RANBP17: variants seen among roughly 807,000 people sequenced by gnomAD.
RANBP17 encodes ran-binding protein 17.
Under a neutral mutation model 141.2 loss-of-function variants are expected in RANBP17, and 158 were observed. That is an observed-to-expected ratio of 1.12 (90% CI 0.98 to 1.28). The LOEUF is 1.28. RANBP17 is among the 50% of genes most tolerant of loss of function. The pLI, the probability that RANBP17 is intolerant of heterozygous loss-of-function variation, is 0.00. For missense variants in RANBP17, 1,438 were observed against 1,290.7 expected, an observed-to-expected ratio of 1.11 and a Z score of -1.75; for synonymous variants, 430 against 450.0, an observed-to-expected ratio of 0.96 and a Z score of 0.56.
chr5:171,099,992 G>A (rs1787020635), intron 14 of RANBP17, among the ~76,000 whole-genome samples: 2 of 152,152 alleles, frequency 1.3e-5, no homozygotes, highest in Non-Finnish European at 2.9e-5. Context: ...ATGTTTTGCT[G>A]GATTCAGTTT....
intron 14 of RANBP17, among the ~76,000 whole-genome samples, chr5:170,982,572 A>G (rs944827719): frequency 1.3e-5 from 2 of 152,228 alleles, no homozygotes; most frequent in Non-Finnish European, 2.9e-5. Context: ...ATCACCTAGA[A>G]TGCAGAACAG....
At chr5:171,002,153 C>G (rs1779249601) in intron 14 of RANBP17, among the ~76,000 whole-genome samples, 1 of 151,992 alleles carries the variant, frequency 6.6e-6, no homozygotes, top group Admixed American at 6.6e-5. Flanking sequence ...GGCTTGTAAC[C>G]TACATGGAAG....
At chr5:170,892,080 G>A (rs1167651692) in intron 3 of RANBP17, among the ~76,000 whole-genome samples, 1 of 145,674 alleles carries the variant, frequency 6.9e-6, no homozygotes, top group African/African-American at 2.5e-5. Context: ...CTCTTTTTCT[G>A]TTTTTTGTAA....
intron 24 of RANBP17, chr5:171,251,761 T>TCCCGCG (rs986228933): frequency 3.3e-6 from 3 of 906,168 alleles, no homozygotes; most frequent in South Asian, 2.8e-5. Flanking sequence ...GTTCCCCTCC[T>TCCCGCG]CCCGCGCCCG....
At chr5:171,006,289 A>G (rs1035402678) in intron 14 of RANBP17, among the ~76,000 whole-genome samples, 4 of 152,216 alleles carry the variant, frequency 2.6e-5, no homozygotes, top group African/African-American at 9.7e-5. Flanking sequence ...ATAAAAACAC[A>G]TGCACACGTA....
chr5:171,076,555 C>A (rs1034165635), intron 14 of RANBP17, among the ~76,000 whole-genome samples: 13 of 152,172 alleles, frequency 8.5e-5, no homozygotes, highest in Non-Finnish European at 1.5e-4. Flanking sequence ...GATTCAAGAT[C>A]TATGGCAGGA....
At chr5:170,957,107 A>ACG (rs150869588) in intron 13 of RANBP17, among the ~76,000 whole-genome samples, 22 of 150,530 alleles carry the variant, frequency 1.5e-4, no homozygotes, top group South Asian at 8.5e-4. Flanking sequence ...ACACACACAC[A>ACG]CGCGCACACT....
At chr5:171,227,082 C>T (rs1315023745) in intron 22 of RANBP17, among the ~76,000 whole-genome samples, 1 of 152,164 alleles carries the variant, frequency 6.6e-6, no homozygotes, top group African/African-American at 2.4e-5. Context: ...CAATGAATAA[C>T]CCTACAATGG....
At chr5:171,091,499 A>C (rs1265194921) in intron 14 of RANBP17, among the ~76,000 whole-genome samples, 6 of 152,142 alleles carry the variant, frequency 3.9e-5, no homozygotes, top group Non-Finnish European at 2.9e-5. Context: ...TTAATGTTGA[A>C]ATGAGTTAAG....
intron 12 of RANBP17, among the ~76,000 whole-genome samples, chr5:170,925,564 C>T (rs1772848175): frequency 6.6e-6 from 1 of 152,110 alleles, no homozygotes; most frequent in African/African-American, 2.4e-5. Context: ...ATAGCAGTAA[C>T]CACAAACACT....
At chr5:171,250,111 A>G (rs1765462738) in intron 24 of RANBP17, among the ~76,000 whole-genome samples, 1 of 152,242 alleles carries the variant, frequency 6.6e-6, no homozygotes, top group Non-Finnish European at 1.5e-5. Context: ...TGATACATTC[A>G]AAGTACAGAA....
rs1339317498 is a variant in RANBP17, at chr5:170,862,023, C to T, written c.-11C>T. The stretch of plus-strand genomic sequence containing the variant: ...CGACCGGCCGGCTGGCCGGCGCCGC[C>T]TCCTGGGAAGATGGCGCTGCACTTC... On this transcript the variant is annotated 5_prime_UTR_variant, in exon 1 of 28. Transcript: ENST00000523189. 3 of 1,459,864 alleles carry T rather than the reference C, an allele frequency of 2.1e-6. No homozygotes were observed. The highest frequency in any genetic ancestry group is 1.3e-5 in the South Asian group (1 of 75,890). The allele number at this position is 1,459,864 out of a possible 1,614,324, so 90.4% of individuals were successfully genotyped here.
At chr5:171,135,010 T>G (rs1757173558) in intron 14 of RANBP17, among the ~76,000 whole-genome samples, 1 of 152,076 alleles carries the variant, frequency 6.6e-6, no homozygotes, top group Non-Finnish European at 1.5e-5. Flanking sequence ...GGCTCACGCC[T>G]GTAATCCCAG....
At chr5:171,109,414 G>A (rs1441319681) in intron 14 of RANBP17, among the ~76,000 whole-genome samples, 1 of 152,102 alleles carries the variant, frequency 6.6e-6, no homozygotes, top group African/African-American at 2.4e-5. Flanking sequence ...GAAAAAAGTT[G>A]CACTGAGGTT....
At chr5:171,025,229 GAC>G (rs987151566) in intron 14 of RANBP17, among the ~76,000 whole-genome samples, 6 of 152,214 alleles carry the variant, frequency 3.9e-5, no homozygotes, top group Admixed American at 3.9e-4. Context: ...TGGTTCATTG[GAC>G]ACCATAGCCA....
chr5:171,089,707 G>T (rs981883676), intron 14 of RANBP17, among the ~76,000 whole-genome samples: 2 of 152,164 alleles, frequency 1.3e-5, no homozygotes, highest in Admixed American at 6.5e-5. Flanking sequence ...ATTCGGGTGG[G>T]AGTGACCCGA....
At position 171,204,148 on chromosome 5, in the gene RANBP17, G is replaced by A. The variant is rs565182917; in HGVS notation, c.2143-1376G>A. On this transcript the variant is annotated intron_variant, in intron 19 of 27. Transcript: ENST00000523189. ...AACTGGTGAGAGTATGAGAAAAAAA[G>A]GAGTAAGTAATTTAAAGGAGCAGAA... 1.3e-3 allele frequency among the ~76,000 whole-genome samples: 195 copies of A among 152,256 alleles called. 9 individuals are homozygous for A. The South Asian group carries it at 0.039, about 30-fold the overall frequency.
chr5:171,150,806 C>A (rs1395837488), intron 14 of RANBP17, among the ~76,000 whole-genome samples: 1 of 152,088 alleles, frequency 6.6e-6, no homozygotes, highest in Non-Finnish European at 1.5e-5. Context: ...AGAGGTGGTG[C>A]ATTTTGTTTA....
chr5:171,030,339 T>G (rs1467779270), intron 14 of RANBP17, among the ~76,000 whole-genome samples: 1 of 152,062 alleles, frequency 6.6e-6, no homozygotes, highest in African/African-American at 2.4e-5. Context: ...ATAAAGTAGT[T>G]ATTTACTTGA....
Sources: gnomAD v4.1 joint callset for allele counts (sites outside exome capture counted in the v4.1 genomes callset) on GRCh38, gnomAD v4.1.1 for gene constraint, MANE v1.5 for transcripts, NCBI Gene and HGNC (gene_info 2026-07-23, HGNC 2026-07-21) for gene names.